Variants in ADGRF5 observed in about 807,000 individuals in gnomAD.
The protein encoded by ADGRF5 is adhesion G protein-coupled receptor F5.
A neutral mutation model predicts 132.3 loss-of-function variants in ADGRF5; 75 were observed. The ratio of observed to expected loss-of-function variants is 0.57; its 90% CI spans 0.47 to 0.69. The LOEUF (loss-of-function observed/expected upper bound fraction) is 0.69. ADGRF5 is among the 30% of genes least tolerant of loss of function. The pLI is 0.00. For synonymous variants in ADGRF5, 629 were observed against 597.6 expected (o/e 1.05, Z -0.77); for missense variants, 1,516 against 1,630.6 (o/e 0.93, Z 1.21).
At chr6:46,937,249 T>TGA (rs1561836089) in intron 1 of ADGRF5, among the ~76,000 whole-genome samples, 2 of 151,526 alleles carry the variant, frequency 1.3e-5, no homozygotes, top group African/African-American at 4.9e-5. Context: ...TGTGTGTGTG[T>TGA]GTGAGTGTGT....
Position 46,870,918 on chromosome 6 carries a change from C to T in ADGRF5, c.1411+925G>A, listed in dbSNP as rs1429665441. On this transcript the variant is annotated intron_variant, in intron 11 of 20. Transcript: ENST00000283296. ...TTTTGATTATTTGAACATAACACAA[C>T]TCTTTGTTAAAACTAGGAATGCAAA... 3 of 264,362 alleles carry T rather than the reference C, an allele frequency of 1.1e-5. No homozygotes were observed. In the East Asian group the frequency reaches 4.8e-4, roughly 42 times the overall value. 16.4% of individuals were successfully genotyped at this position (264,362 alleles called of 1,614,324 possible).
At chr6:46,873,541 C>A (rs575524838) in intron 10 of ADGRF5, among the ~76,000 whole-genome samples, 4 of 152,246 alleles carry the variant, frequency 2.6e-5, no homozygotes, top group Admixed American at 6.5e-5. Context: ...CCTTCTGGGT[C>A]TCCCTTTCAG....
At chr6:46,932,211 T>A (rs145403360) in intron 1 of ADGRF5, among the ~76,000 whole-genome samples, 4 of 152,118 alleles carry the variant, frequency 2.6e-5, no homozygotes, top group African/African-American at 9.7e-5. Context: ...CACTCAAGAA[T>A]TGATCATTTA....
chr6:46,921,577 A>G (rs16875242), intron 1 of ADGRF5, 136 bp downstream of exon 1: 4,605 of 152,292 alleles, frequency 0.03, 144 homozygotes, highest in South Asian at 0.14. Context: ...CATACATATC[A>G]CACCTACGCA....
At chr6:46,941,456 G>GAAAAGAA (rs1355432007) in intron 1 of ADGRF5, among the ~76,000 whole-genome samples, 92 of 42,130 alleles carry the variant, frequency 2.2e-3, no homozygotes, top group Middle Eastern at 0.01. Context: ...GAAAAGAAAA[G>GAAAAGAA]AAAAGAAAAG....
rs138516675 is a variant in ADGRF5 at position 46,884,176 on chromosome 6, G to A, written c.424C>T (p.Arg142Cys). The A allele has an allele frequency of 9.0e-5, 146 of 1,613,808 alleles. No individual in the cohort carries two copies. The highest frequency in any genetic ancestry group is 3.3e-4 in the Middle Eastern group (2 of 6,062). ...RCLHNLICQE[R>C]DVFLPGHHCS... Reference sequence around the variant, plus strand: ...TGGTGCCCTGGGAGGAAGACGTCACGCTCTTGACAAATGAGATTGTGAAGA... The same window carrying A: ...TGGTGCCCTGGGAGGAAGACGTCACACTCTTGACAAATGAGATTGTGAAGA... The change falls in exon 5 of 21, where the codon CGT becomes TGT. Residue 142 changes from arginine (R) to cysteine (C), a missense_variant. By Grantham distance (180) the Arg-to-Cys change is radical. Coordinates refer to ENST00000283296, the MANE Select transcript of ADGRF5 (RefSeq NM_001098518.2).
chr6:46,872,673 T>C (rs1771211181), intron 10 of ADGRF5, among the ~76,000 whole-genome samples: 2 of 152,068 alleles, frequency 1.3e-5, no homozygotes, highest in Admixed American at 1.3e-4. Flanking sequence ...TTCTTTCCTT[T>C]CCCAGAAATA....
rs558891969 is a variant in ADGRF5, at chr6:46,857,458, C to T, written c.3775-550G>A. ...TTTTTTTCTATCCTTACCACCTCTC[C>T]ATTGGGTGAAACAGAATTAATCACT... On this transcript the variant is annotated intron_variant, in intron 17 of 20. Coordinates refer to ENST00000283296, the MANE Select transcript of ADGRF5 (RefSeq NM_001098518.2). 2.6e-5 allele frequency among the ~76,000 whole-genome samples: 4 copies of T among 152,302 alleles called. No homozygotes were observed. The East Asian group carries it at 7.7e-4, about 29-fold the overall frequency.
At chr6:46,920,500 C>A (rs139596446) in intron 1 of ADGRF5, among the ~76,000 whole-genome samples, 1 of 119,780 alleles carries the variant, frequency 8.3e-6, no homozygotes, top group East Asian at 2.3e-4. Context: ...ACTGGTAACA[C>A]AGAAAACAAT....
At chr6:46,877,253 T>A (rs1034551440) in intron 10 of ADGRF5, among the ~76,000 whole-genome samples, 35 of 34,170 alleles carry the variant, frequency 1.0e-3, no homozygotes, top group African/African-American at 6.5e-3. Flanking sequence ...CTTTCTTTCT[T>A]TCTTTCTTTC....
chr6:46,932,649 T>C (rs1016849895), intron 1 of ADGRF5, among the ~76,000 whole-genome samples: 6 of 152,180 alleles, frequency 3.9e-5, no homozygotes, highest in African/African-American at 1.4e-4. Context: ...CAATAATTTA[T>C]AAGACCTACA....
intron 8 of ADGRF5, among the ~76,000 whole-genome samples, chr6:46,880,596 T>C (rs1772341205): frequency 6.6e-6 from 1 of 152,190 alleles, no homozygotes; most frequent in Non-Finnish European, 1.5e-5. Context: ...AAGTTTGGAT[T>C]TGAATCCTGG....
intron 13 of ADGRF5, among the ~76,000 whole-genome samples, chr6:46,866,375 C>T (rs903894928): frequency 6.6e-6 from 1 of 152,034 alleles, no homozygotes; most frequent in Non-Finnish European, 1.5e-5. Flanking sequence ...TGTGAGTGAC[C>T]CATTGTGTGT....
intron 20 of ADGRF5, chr6:46,854,906 A>C (rs1319385187): frequency 2.4e-6 from 1 of 423,768 alleles, no homozygotes; most frequent in African/African-American, 2.1e-5. Flanking sequence ...AGCAGAAAAA[A>C]CCCAAGTCCT....
intron 8 of ADGRF5, 26 bp downstream of exon 8, chr6:46,881,429 G>A (rs1174217447): frequency 3.1e-6 from 5 of 1,595,000 alleles, no homozygotes; most frequent in Non-Finnish European, 3.4e-6. Context: ...TAAATAACAT[G>A]ACCATATCTA....
upstream of ADGRF5, among the ~76,000 whole-genome samples, chr6:46,926,032 C>G (rs1777228041): frequency 6.6e-6 from 1 of 152,054 alleles, no homozygotes; most frequent in Non-Finnish European, 1.5e-5. Context: ...TGGCACTGAT[C>G]TGTCCTTATA....
chr6:46,922,373 C>T (rs182205588), upstream of ADGRF5, among the ~76,000 whole-genome samples: 5 of 152,280 alleles, frequency 3.3e-5, no homozygotes, highest in Admixed American at 3.3e-4. Context: ...CGCGGGAGGG[C>T]TGTACCTCAA....
At chr6:46,882,641 T>C (rs1275083317) in intron 6 of ADGRF5, among the ~76,000 whole-genome samples, 2 of 152,206 alleles carry the variant, frequency 1.3e-5, no homozygotes, top group African/African-American at 4.8e-5. Flanking sequence ...TACTGCAGGA[T>C]TGGTTGGTGT....
intron 3 of ADGRF5, among the ~76,000 whole-genome samples, chr6:46,893,573 C>G (rs1773876243): frequency 6.6e-6 from 1 of 152,176 alleles, no homozygotes; most frequent in African/African-American, 2.4e-5. Flanking sequence ...AGTAACATTC[C>G]TTGTCCTTCT....
Sources: gnomAD v4.1 joint callset for allele counts (sites outside exome capture counted in the v4.1 genomes callset) on GRCh38, gnomAD v4.1.1 for gene constraint, MANE v1.5 for transcripts, NCBI Gene and HGNC (gene_info 2026-07-23, HGNC 2026-07-21) for gene names.